The following MATN4 variants were observed in gnomAD, a reference collection of about 807,000 sequenced individuals.
MATN4 encodes matrilin 4.
MATN4 carries 40 observed loss-of-function variants against 54.6 expected under a neutral mutation model. That is an observed-to-expected ratio of 0.73 (90% CI 0.57 to 0.95). The LOEUF (loss-of-function observed/expected upper bound fraction) is 0.95, where lower values mean the gene tolerates loss of function less well. MATN4 is among the 40% of genes least tolerant of loss of function. MATN4 has a pLI of 0.00. For missense variants in MATN4, 810 were observed against 819.1 expected, an observed-to-expected ratio of 0.99 and a Z score of 0.13; for synonymous variants, 351 against 345.3, an observed-to-expected ratio of 1.02 and a Z score of -0.18.
At chr20:45,300,860 C>G in intron 6 of MATN4, 27 bp downstream of exon 6, 1 of 1,610,548 alleles carries the variant, frequency 6.2e-7, no homozygotes, top group Non-Finnish European at 8.5e-7. Context: ...CAGAAGCCAA[C>G]AGAACACCCT....
chr20:45,295,505 A>G (rs938096949), intron 8 of MATN4, among the ~76,000 whole-genome samples: 2 of 152,150 alleles, frequency 1.3e-5, no homozygotes, highest in African/African-American at 2.4e-5. Context: ...CTCCTGCCTC[A>G]GCCTCCCGAG....
chr20:45,301,345 G>A lies in MATN4; in HGVS notation c.742C>T (p.Gln248Ter), dbSNP rs1352264254. ...FCHCQVGFVLQQDQRSCRAID... is the reference protein window; with the variant it reads ...FCHCQVGFVL ...CCCCTGCAGCTCCTCTGGTCCTGCT[G>A]GAGTACAAAGCCAACTTGGCAGTGA... Residue 248 changes from glutamine (Q) to a stop codon, truncating the protein, a stop_gained, in exon 4 of 10, where the codon CAG becomes TAG. Transcript: ENST00000372756. LOFTEE classifies it high-confidence loss of function. The A allele has an allele frequency of 6.2e-7, 1 of 1,614,190 alleles. No homozygotes were observed. The highest frequency in any genetic ancestry group is 8.5e-7 in the Non-Finnish European group (1 of 1,180,034).
Position 45,298,051 on chromosome 20 carries a change from C to T in MATN4, c.1446G>A (p.Val482=). 1.9e-6 allele frequency: 3 copies of T among 1,613,612 alleles called. No homozygotes were observed. Among genetic ancestry groups the T allele is most frequent in the Non-Finnish European group, 2.5e-6 (3 of 1,179,840 alleles). Residue 482 remains valine, a synonymous_variant, in exon 8 of 10, where the codon GTG becomes GTA. Coordinates refer to ENST00000372756, the MANE Select transcript of MATN4 (RefSeq NM_001393530.1). This position sits in a 1 kb window ranked among gnomAD's most constrained non-coding sequence, Gnocchi z 4.6. ...AKEEGIVMYA[V]GVGKAVEAEL... ...CCGCCTCCACCGCCTTGCCCACGCC[C>T]ACGGCGTACATGACGATGCCTGCAA...
rs571509130 is a variant in MATN4, at chr20:45,297,079, G to A, written c.1579+839C>T. Among the ~76,000 whole-genome samples, 20 of 151,396 alleles carry A rather than the reference G, an allele frequency of 1.3e-4. No homozygotes were observed. In the East Asian group the frequency reaches 3.7e-3, roughly 28 times the overall value. On this transcript the variant is annotated intron_variant, in intron 8 of 9. Coordinates refer to ENST00000372756, the MANE Select transcript of MATN4 (RefSeq NM_001393530.1). ...ACTCCTGATCTCAAGTGATCCAGCC[G>A]CCTCGGCCTCCCAGAGTGCTGGGAT...
At chr20:45,302,243 G>C (rs945439311) in intron 3 of MATN4, among the ~76,000 whole-genome samples, 2 of 152,146 alleles carry the variant, frequency 1.3e-5, no homozygotes, top group Non-Finnish European at 1.5e-5. Context: ...GTCTTGGAGA[G>C]AGATTTGAAT....
chr20:45,303,115 AAAGAAAAG>A (rs1986349740), intron 3 of MATN4, among the ~76,000 whole-genome samples: 1 of 150,806 alleles, frequency 6.6e-6, no homozygotes, highest in African/African-American at 2.4e-5. Context: ...GAGAGAGAGA[AAAGAAAAG>A]AAGAAAACAG....
chr20:45,304,266 A>T lies in MATN4; in HGVS notation c.605T>A (p.Ile202Asn). 6.5e-7 allele frequency: 1 copy of T among 1,546,206 alleles called. No individual in the cohort carries two copies. The highest frequency in any genetic ancestry group is 8.7e-7 in the Non-Finnish European group (1 of 1,150,470). ...HVFLVESFDL[I>N]QEFGLQFQSR... ...CTGGAACTGCAGGCCGAACTCCTGG[A>T]TGAGGTCGAAGGACTCTACGAGGAA... Residue 202 changes from isoleucine (I) to asparagine (N), a missense_variant, in exon 3 of 10, where the codon ATC (isoleucine) becomes AAC (asparagine). Coordinates refer to ENST00000372756, the MANE Select transcript of MATN4 (RefSeq NM_001393530.1).
Position 45,293,669 on chromosome 20 carries a change from C to T in MATN4, c.*98G>A, listed in dbSNP as rs1985612543. 5.1e-6 allele frequency: 6 copies of T among 1,170,306 alleles called. No individual in the cohort carries two copies. Among genetic ancestry groups the T allele is most frequent in the South Asian group, 4.9e-5 (3 of 61,848 alleles). The allele number at this position is 1,170,306 out of a possible 1,614,324, so 72.5% of individuals were successfully genotyped here. On this transcript the variant is annotated 3_prime_UTR_variant, in exon 10 of 10. Coordinates refer to ENST00000372756, the MANE Select transcript of MATN4 (RefSeq NM_001393530.1). The stretch of plus-strand genomic sequence containing the variant: ...CTCCGCCCCGACAGCCCAAGCCGGA[C>T]GGGCCCAGGTTCTGCCTGGCCCCGG...
In MATN4 at chr20:45,304,274, GA is replaced by G; in HGVS notation, c.596del (p.Phe199SerfsTer115). On this transcript the variant is annotated frameshift_variant, in exon 3 of 10. Coordinates refer to ENST00000372756, the MANE Select transcript of MATN4 (RefSeq NM_001393530.1). LOFTEE classifies it high-confidence loss of function. The stretch of plus-strand genomic sequence containing the variant: ...GCAGGCCGAACTCCTGGATGAGGTC[GA>G]AGGACTCTACGAGGAAGACGTGCTC... ...LDEHVFLVES[F>X]DLIQEFGLQF... The G allele has an allele frequency of 6.4e-7, 1 of 1,555,834 alleles. No homozygotes were observed. Among genetic ancestry groups the G allele is most frequent in the African/African-American group, 1.4e-5 (1 of 70,588 alleles).
chr20:45,301,248 A>G, intron 4 of MATN4, 24 bp from the exon 5 acceptor site: 1 of 1,605,304 alleles, frequency 6.2e-7, no homozygotes, highest in Non-Finnish European at 8.5e-7. Flanking sequence ...AGAAACAGCA[A>G]GATGTTGCCT....
intron 8 of MATN4, among the ~76,000 whole-genome samples, chr20:45,295,705 G>C (rs759505725): frequency 6.6e-6 from 1 of 151,964 alleles, no homozygotes; most frequent in Non-Finnish European, 1.5e-5. Context: ...TGTTTTTAAA[G>C]GTCCACCAGG....
Position 45,293,691 on chromosome 20 carries a change from C to T in MATN4, c.*76G>A. 7.2e-7 allele frequency: 1 copy of T among 1,393,326 alleles called. No individual in the cohort carries two copies. Among genetic ancestry groups the T allele is most frequent in the Non-Finnish European group, 9.6e-7 (1 of 1,043,686 alleles). The allele number at this position is 1,393,326 out of a possible 1,614,324, so 86.3% of individuals were successfully genotyped here. The stretch of plus-strand genomic sequence containing the variant: ...GGACGGGCCCAGGTTCTGCCTGGCC[C>T]CGGCGCACCGATGGCGCGCAAGGGG... On this transcript the variant is annotated 3_prime_UTR_variant, in exon 10 of 10. Coordinates refer to ENST00000372756, the MANE Select transcript of MATN4 (RefSeq NM_001393530.1).
In MATN4 at chr20:45,304,429, C is replaced by A; in HGVS notation, c.442G>T (p.Gly148Trp). 1 of 1,534,058 alleles carries A rather than the reference C, an allele frequency of 6.5e-7. No individual in the cohort carries two copies. Residue 148 changes from glycine to tryptophan, a missense_variant, in exon 3 of 10, where the codon GGG becomes TGG. Coordinates refer to ENST00000372756, the MANE Select transcript of MATN4 (RefSeq NM_001393530.1). ...VPRVAVIVTD[G>W]RPQDRVAEVA... Reference sequence around the variant, plus strand: ...TCGGCCACGCGGTCCTGGGGCCGCCCGTCTGTCACGATGACAGCGACACGC... The same window carrying A: ...TCGGCCACGCGGTCCTGGGGCCGCCAGTCTGTCACGATGACAGCGACACGC...
chr20:45,293,475 T>A lies in MATN4; in HGVS notation c.*292A>T, dbSNP rs1826508286. 1 of 372,800 alleles carries A rather than the reference T, an allele frequency of 2.7e-6. No individual in the cohort carries two copies. Among genetic ancestry groups the A allele is most frequent in the Admixed American group, 4.6e-5 (1 of 21,600 alleles). The allele number at this position is 372,800 out of a possible 1,614,324, so 23.1% of individuals were successfully genotyped here. ...TGGAAATCAGTTTTTTTTATTTTTT[T>A]AAGAACACAAACAAGAAATCCAACA... On this transcript the variant is annotated 3_prime_UTR_variant, in exon 10 of 10. Coordinates refer to ENST00000372756, the MANE Select transcript of MATN4 (RefSeq NM_001393530.1).
At chr20:45,294,721 C>G (rs1053954508) in intron 8 of MATN4, among the ~76,000 whole-genome samples, 7 of 152,180 alleles carry the variant, frequency 4.6e-5, no homozygotes, top group African/African-American at 1.7e-4. Context: ...GGCCATGGAC[C>G]AGTACCAGCA....
At chr20:45,305,443 T>C in intron 2 of MATN4, 67 bp downstream of exon 2, 2 of 1,258,394 alleles carry the variant, frequency 1.6e-6, no homozygotes, top group South Asian at 1.3e-5. Context: ...CAGGAGGAGC[T>C]GGCTGCAGAG....
At chr20:45,301,258 T>G (rs918941784) in intron 4 of MATN4, 34 bp from the exon 5 acceptor site, 1 of 1,613,248 alleles carries the variant, frequency 6.2e-7, no homozygotes, top group African/African-American at 1.3e-5. Context: ...AGATGTTGCC[T>G]CTGATTGGAG....
chr20:45,305,925 T>C (rs1031474678), intron 1 of MATN4, among the ~76,000 whole-genome samples: 27 of 148,944 alleles, frequency 1.8e-4, no homozygotes, highest in African/African-American at 6.2e-4. Context: ...GGCCTCAGCC[T>C]CCCGAGTAGC....
At chr20:45,294,043 G>A (rs1412973512) in intron 8 of MATN4, 28 bp from the exon 9 acceptor site, 2 of 1,562,594 alleles carry the variant, frequency 1.3e-6, no homozygotes, top group Non-Finnish European at 1.7e-6. Context: ...AGGGTCAGGG[G>A]GATGAGAAAT....
Sources: gnomAD v4.1 joint callset for allele counts (sites outside exome capture counted in the v4.1 genomes callset) on GRCh38, gnomAD v4.1.1 for gene constraint, Gnocchi (gnomAD v3.1) non-coding constraint, MANE v1.5 for transcripts, NCBI Gene and HGNC (gene_info 2026-07-23, HGNC 2026-07-21) for gene names.